The following GCNT1 variants were observed in gnomAD, a reference collection of about 807,000 sequenced individuals.
The protein encoded by GCNT1 is beta-1,3-galactosyl-O-glycosyl-glycoprotein beta-1,6-N-acetylglucosaminyltransferase.
In GCNT1, 16 loss-of-function variants were observed where a neutral mutation model predicts 26.2. The observed-to-expected ratio is 0.61, with a 90% confidence interval of 0.41 to 0.93. GCNT1 has a LOEUF of 0.93. Among genes scored for constraint, GCNT1 ranks in the 40% least tolerant of loss-of-function variants. GCNT1 has a pLI of 0.00. For synonymous variants in GCNT1, 183 were observed against 190.8 expected (o/e 0.96, Z 0.34); for missense variants, 477 against 526.7 (o/e 0.91, Z 0.92).
At chr9:76,433,043 C>T (rs1321417928) in intron 1 of GCNT1, among the ~76,000 whole-genome samples, 1 of 152,158 alleles carries the variant, frequency 6.6e-6, no homozygotes, top group Non-Finnish European at 1.5e-5. Context: ...GGAGACCACC[C>T]TTGTGGCCCC....
chr9:76,483,333 T>C (rs1824473388), intron 2 of GCNT1, among the ~76,000 whole-genome samples: 1 of 152,162 alleles, frequency 6.6e-6, no homozygotes, highest in African/African-American at 2.4e-5. Flanking sequence ...TATTTTCATA[T>C]CTCTAAATAA....
chr9:76,427,609 T>C (rs983099303), intron 1 of GCNT1, among the ~76,000 whole-genome samples: 4 of 152,234 alleles, frequency 2.6e-5, no homozygotes, highest in African/African-American at 7.2e-5. Context: ...ATGAATGATA[T>C]AGAAATATCG....
intron 2 of GCNT1, among the ~76,000 whole-genome samples, chr9:76,492,456 C>G (rs562132110): frequency 2.6e-5 from 4 of 151,874 alleles, no homozygotes; most frequent in Middle Eastern, 3.4e-3. Flanking sequence ...GACAGCTGTC[C>G]GGGACAGGAG....
At chr9:76,473,726 TCTC>T (rs1366924231) in intron 2 of GCNT1, among the ~76,000 whole-genome samples, 1 of 152,202 alleles carries the variant, frequency 6.6e-6, no homozygotes, top group Non-Finnish European at 1.5e-5. Context: ...GACTCCCAGG[TCTC>T]CTGCTGGGGC....
chr9:76,399,462 C>T, the GCNT1 span: 1 of 1,577,800 alleles, frequency 6.3e-7, no homozygotes, highest in Non-Finnish European at 8.6e-7. Context: ...GTACAGGTGC[C>T]CTCTGTGCCT....
intron 1 of GCNT1, among the ~76,000 whole-genome samples, chr9:76,445,616 C>T (rs984537796): frequency 1.3e-5 from 2 of 150,760 alleles, no homozygotes; most frequent in Non-Finnish European, 2.9e-5. Context: ...TGGTCTCGAA[C>T]TCCCGAGCTC....
At chr9:76,438,762 A>G (rs1823442255), upstream of GCNT1, among the ~76,000 whole-genome samples, 1 of 151,952 alleles carries the variant, frequency 6.6e-6, no homozygotes, top group Admixed American at 6.6e-5. Context: ...GTCTTGGGCC[A>G]CACATAAAAT....
rs1825103918 is a variant in GCNT1, at chr9:76,502,464, C to T, written c.83C>T (p.Thr28Ile). ...ATGGTTCTTGTTTTATCCCTAATCA[C>T]CTTCTCCGTTTTAAGGATTCATCAA... ...YFMVLVLSLI[T>I]FSVLRIHQKP... Residue 28 changes from threonine (T) to isoleucine (I), a missense_variant, in exon 4 of 4, where the codon ACC (threonine) becomes ATC (isoleucine). Thr to Ile is a moderately conservative substitution (Grantham distance 89). Coordinates refer to ENST00000376730, the MANE Select transcript of GCNT1 (RefSeq NM_001490.5). The T allele has an allele frequency of 6.2e-7, 1 of 1,613,482 alleles. No homozygotes were observed. Among genetic ancestry groups the T allele is most frequent in the Admixed American group, 1.7e-5 (1 of 59,984 alleles).
chr9:76,481,696 G>A (rs192473597), intron 2 of GCNT1, among the ~76,000 whole-genome samples: 7 of 152,236 alleles, frequency 4.6e-5, no homozygotes, highest in Admixed American at 4.6e-4. Flanking sequence ...CCACAAGCGT[G>A]TCAAGAACTA....
chr9:76,444,166 G>A (rs927313966), intron 1 of GCNT1, among the ~76,000 whole-genome samples: 1 of 152,124 alleles, frequency 6.6e-6, no homozygotes, highest in Admixed American at 6.6e-5. Context: ...AAGGAGCTGC[G>A]TATTGGACAT....
At position 76,472,744 on chromosome 9, in the gene GCNT1, CTTTTCTTTT is replaced by C. The variant is rs1424634576; in HGVS notation, c.-290+12572_-290+12580del. Among the ~76,000 whole-genome samples the C allele has an allele frequency of 1.8e-4, 22 of 122,220 alleles. 1 individual carries two copies. The highest frequency in any genetic ancestry group is 1.6e-4 in the Non-Finnish European group (10 of 60,758). The allele number at this position is 122,220 out of a possible 152,430, so 80.2% of individuals were successfully genotyped here. Reference sequence around the variant, plus strand: ...TCTTTCTTTTCTTTTCTTTTCTTTTCTTTTCTTTTTTTTTTTTTTTTTGAGATGGAGTCT... The same window carrying C: ...TCTTTCTTTTCTTTTCTTTTCTTTTCTTTTTTTTTTTTTGAGATGGAGTCT... On this transcript the variant is annotated intron_variant, in intron 2 of 3. Transcript: ENST00000376730.
chr9:76,502,835 A>G lies in GCNT1; in HGVS notation c.454A>G (p.Ile152Val), dbSNP rs2282683. 0.21 allele frequency: 343,548 copies of G among 1,613,656 alleles called. 37,591 individuals are homozygous for G. Among genetic ancestry groups the G allele is most frequent in the Middle Eastern group, 0.29 (1,749 of 6,062 alleles). The change falls in exon 4 of 4, where the codon ATT becomes GTT. Residue 152 changes from isoleucine to valine, a missense_variant. Transcript: ENST00000376730. ...CTATATGCCTCAGAATTTCTATTGC[A>G]TTCATGTGGACACAAAATCCGAGGA... ...AIYMPQNFYC[I>V]HVDTKSEDSY...
intron 2 of GCNT1, among the ~76,000 whole-genome samples, chr9:76,493,586 T>C (rs1824812536): frequency 6.6e-6 from 1 of 152,168 alleles, no homozygotes; most frequent in African/African-American, 2.4e-5. Context: ...GGGACATAAC[T>C]GATAGCCTGG....
At chr9:76,418,629 G>A (rs1312564287), upstream of GCNT1, among the ~76,000 whole-genome samples, 1 of 152,200 alleles carries the variant, frequency 6.6e-6, no homozygotes, top group Non-Finnish European at 1.5e-5. Flanking sequence ...AATTGCAGGG[G>A]TAGGATTACC....
chr9:76,493,356 A>G (rs1043603677), intron 2 of GCNT1, among the ~76,000 whole-genome samples: 7 of 152,188 alleles, frequency 4.6e-5, no homozygotes, highest in African/African-American at 1.7e-4. Flanking sequence ...AGCTGAAGCC[A>G]CATTCCTTTC....
chr9:76,469,753 G>A (rs534045486), intron 2 of GCNT1, among the ~76,000 whole-genome samples: 6 of 152,266 alleles, frequency 3.9e-5, no homozygotes, highest in South Asian at 4.1e-4. Flanking sequence ...GTTCCTGCAC[G>A]GCTAAGTGCC....
chr9:76,483,693 G>C (rs774930056), intron 2 of GCNT1, among the ~76,000 whole-genome samples: 6 of 152,128 alleles, frequency 3.9e-5, no homozygotes, highest in African/African-American at 4.8e-5. Context: ...AAAGTGCTAC[G>C]ATAACAGGCA....
At chr9:76,460,233 AC>A (rs1421142325) in intron 2 of GCNT1, 56 bp downstream of exon 2, 1 of 152,100 alleles carries the variant, frequency 6.6e-6, no homozygotes, top group Non-Finnish European at 1.5e-5. Flanking sequence ...TGCCCTGTAC[AC>A]CCTTTGCCTT....
At chr9:76,470,603 CAAA>C (rs10564028) in intron 2 of GCNT1, among the ~76,000 whole-genome samples, 95 of 94,180 alleles carry the variant, frequency 1.0e-3, no homozygotes, top group African/African-American at 2.8e-3. Context: ...GACCCTGTCC[CAAA>C]AAAAAAAAAA....
Sources: gnomAD v4.1 joint callset for allele counts (sites outside exome capture counted in the v4.1 genomes callset) on GRCh38, gnomAD v4.1.1 for gene constraint, MANE v1.5 for transcripts, NCBI Gene and HGNC (gene_info 2026-07-23, HGNC 2026-07-21) for gene names.